The following EDIL3 variants were observed in gnomAD, a reference collection of about 807,000 sequenced individuals.
The protein encoded by EDIL3 is EGF like and discoidin domains 3.
Under a neutral mutation model 67.4 loss-of-function variants are expected in EDIL3, and 37 were observed. The ratio of observed to expected loss-of-function variants is 0.55; its 90% CI spans 0.42 to 0.72. EDIL3 has a LOEUF of 0.72. Ranked by LOEUF, EDIL3 falls within the 30% of genes least tolerant of loss-of-function variation. The probability of loss-of-function intolerance (pLI) is 0.00; values close to 1 mark genes in which losing one functional copy is unlikely to be tolerated. For synonymous variants in EDIL3, 195 were observed against 196.3 expected, an observed-to-expected ratio of 0.99 and a Z score of 0.05; for missense variants, 527 against 586.3, an observed-to-expected ratio of 0.90 and a Z score of 1.04.
intron 6 of EDIL3, among the ~76,000 whole-genome samples, chr5:84,094,604 T>C (rs1747229305): frequency 6.6e-6 from 1 of 152,112 alleles, no homozygotes; most frequent in Admixed American, 6.6e-5. Flanking sequence ...ATCAAAAACG[T>C]TTTTATACAC....
At chr5:84,134,816 A>C (rs1048776685) in intron 5 of EDIL3, among the ~76,000 whole-genome samples, 1 of 152,200 alleles carries the variant, frequency 6.6e-6, no homozygotes, top group Non-Finnish European at 1.5e-5. Flanking sequence ...CAGCACACGG[A>C]GAATACAGGA....
chr5:84,306,049 C>T (rs955742247), intron 1 of EDIL3, among the ~76,000 whole-genome samples: 10 of 152,118 alleles, frequency 6.6e-5, no homozygotes, highest in Non-Finnish European at 1.5e-4. Flanking sequence ...AAAAGTCTCT[C>T]CTTTAGGGAT....
intron 1 of EDIL3, among the ~76,000 whole-genome samples, chr5:84,366,466 C>T (rs983756457): frequency 6.6e-6 from 1 of 152,156 alleles, no homozygotes; most frequent in Non-Finnish European, 1.5e-5. Flanking sequence ...TTTACTTTGT[C>T]TAATGCTTAC....
intron 3 of EDIL3, among the ~76,000 whole-genome samples, chr5:84,206,075 C>T (rs1743971979): frequency 6.6e-6 from 1 of 150,996 alleles, no homozygotes; most frequent in South Asian, 2.1e-4. Context: ...CCTCTACACA[C>T]TGCTTTGAAT....
At chr5:84,029,099 T>C (rs1309562774) in intron 9 of EDIL3, among the ~76,000 whole-genome samples, 2 of 151,908 alleles carry the variant, frequency 1.3e-5, no homozygotes, top group African/African-American at 4.8e-5. Context: ...CTACTAAAAA[T>C]ACAAAAAATT....
rs189584454 is a variant in EDIL3 at position 84,176,692 on chromosome 5, C to A, written c.355+3701G>T. Among the ~76,000 whole-genome samples the A allele has an allele frequency of 2.1e-4, 32 of 152,014 alleles. No homozygotes were observed. In the East Asian group the frequency reaches 6.0e-3, roughly 29 times the overall value. On this transcript the variant is annotated intron_variant, in intron 4 of 10. Coordinates refer to ENST00000296591, the MANE Select transcript of EDIL3 (RefSeq NM_005711.5). The stretch of plus-strand genomic sequence containing the variant: ...GCTTTTCAAAAGTTTGACCTGTAGA[C>A]AATTTTGGTGCTCAATTCATTCTAT...
intron 1 of EDIL3, among the ~76,000 whole-genome samples, chr5:84,311,157 T>C (rs917218530): frequency 2.0e-5 from 3 of 152,150 alleles, no homozygotes; most frequent in Non-Finnish European, 4.4e-5. Context: ...AATGCCACTA[T>C]AGACATTTTT....
rs150474908 is a variant in EDIL3, at chr5:84,149,764, A to G, written c.356-12410T>C. On this transcript the variant is annotated intron_variant, in intron 4 of 10. Transcript: ENST00000296591. ...ATTGAAAATATTAAATAGAGATGTGAAAAAAGAAAGCCTAATTGAACTTCC... is the reference window on the plus strand; with the variant it reads ...ATTGAAAATATTAAATAGAGATGTGGAAAAAGAAAGCCTAATTGAACTTCC... Among the ~76,000 whole-genome samples the G allele has an allele frequency of 4.5e-3, 685 of 152,252 alleles. 6 individuals are homozygous for G. Among genetic ancestry groups the G allele is most frequent in the African/African-American group, 0.016 (667 of 41,556 alleles).
chr5:84,140,679 C>G (rs1345100178), intron 4 of EDIL3, among the ~76,000 whole-genome samples: 1 of 152,166 alleles, frequency 6.6e-6, no homozygotes, highest in South Asian at 2.1e-4. Context: ...ATAGAATGAC[C>G]TTTTCATTGT....
At chr5:84,007,522 T>C (rs1273551280) in intron 9 of EDIL3, among the ~76,000 whole-genome samples, 41 of 152,182 alleles carry the variant, frequency 2.7e-4, no homozygotes, top group Non-Finnish European at 1.0e-4. Context: ...TATAAAAAGG[T>C]TCTCAATATC....
At chr5:84,213,567 A>T (rs556636661) in intron 3 of EDIL3, among the ~76,000 whole-genome samples, 2 of 152,312 alleles carry the variant, frequency 1.3e-5, no homozygotes, top group Admixed American at 1.3e-4. Context: ...CTTTAAAAGC[A>T]ACCAATAATG....
At chr5:83,986,177 G>A (rs1381373258) in intron 9 of EDIL3, among the ~76,000 whole-genome samples, 1 of 151,970 alleles carries the variant, frequency 6.6e-6, no homozygotes, top group Non-Finnish European at 1.5e-5. Flanking sequence ...AACAATAAAA[G>A]TTAAAGCAAT....
intron 1 of EDIL3, among the ~76,000 whole-genome samples, chr5:84,352,433 TAC>T (rs200746329): frequency 9.9e-5 from 15 of 151,554 alleles, no homozygotes; most frequent in African/African-American, 3.6e-4. Context: ...GTGCATAGGT[TAC>T]ACACACACAC....
At chr5:84,335,784 A>G (rs1746974083) in intron 1 of EDIL3, among the ~76,000 whole-genome samples, 1 of 152,170 alleles carries the variant, frequency 6.6e-6, no homozygotes, top group Admixed American at 6.5e-5. Flanking sequence ...TGCTGCTATA[A>G]TTAACGTCTA....
chr5:84,312,208 C>A (rs1323460390), intron 1 of EDIL3, among the ~76,000 whole-genome samples: 1 of 147,734 alleles, frequency 6.8e-6, no homozygotes, highest in Admixed American at 6.7e-5. Flanking sequence ...CACCTCCCTC[C>A]CCGACGGGGC....
At chr5:84,378,353 T>C (rs1238658496) in intron 1 of EDIL3, among the ~76,000 whole-genome samples, 1 of 152,194 alleles carries the variant, frequency 6.6e-6, no homozygotes, top group Non-Finnish European at 1.5e-5. Flanking sequence ...CATTCTCTTA[T>C]ATGGTGATAC....
chr5:84,059,322 G>A (rs1426710293), intron 9 of EDIL3, among the ~76,000 whole-genome samples: 1 of 152,098 alleles, frequency 6.6e-6, no homozygotes, highest in Non-Finnish European at 1.5e-5. Context: ...AGGACTGCTG[G>A]AGCCCAGGAA....
chr5:84,164,154 G>C (rs1182367831), intron 4 of EDIL3, among the ~76,000 whole-genome samples: 1 of 151,824 alleles, frequency 6.6e-6, no homozygotes, highest in Non-Finnish European at 1.5e-5. Context: ...AGTTAAAACG[G>C]TTTGCAGTAA....
At chr5:84,183,109 A>G (rs1749044021) in intron 3 of EDIL3, among the ~76,000 whole-genome samples, 1 of 152,184 alleles carries the variant, frequency 6.6e-6, no homozygotes, top group Admixed American at 6.5e-5. Flanking sequence ...ATAGTGCCTT[A>G]CAATTTATAA....
Sources: gnomAD v4.1 joint callset for allele counts (sites outside exome capture counted in the v4.1 genomes callset) on GRCh38, gnomAD v4.1.1 for gene constraint, MANE v1.5 for transcripts, NCBI Gene and HGNC (gene_info 2026-07-23, HGNC 2026-07-21) for gene names.